Variants in MMRN2 observed in about 807,000 individuals in gnomAD.
MMRN2 encodes multimerin-2.
Under a neutral mutation model 68.8 loss-of-function variants are expected in MMRN2, and 53 were observed. The observed-to-expected ratio is 0.77, with a 90% CI of 0.62 to 0.97. MMRN2 has a LOEUF of 0.97. Among genes scored for constraint, MMRN2 ranks in the 50% least tolerant of loss-of-function variants. MMRN2 has a pLI of 0.00. For synonymous variants in MMRN2, 564 were observed against 551.6 expected, an observed-to-expected ratio of 1.02 and a Z score of -0.32; for missense variants, 1,266 against 1,259.5, an observed-to-expected ratio of 1.01 and a Z score of -0.08.
chr10:86,944,006 T>C lies in MMRN2; in HGVS notation c.778A>G (p.Arg260Gly). Residue 260 changes from arginine (R) to glycine (G), a missense_variant, in exon 6 of 7, where the codon AGA (arginine) becomes GGA (glycine). Arg to Gly is a moderately radical substitution (Grantham distance 125). Coordinates refer to ENST00000372027, the MANE Select transcript of MMRN2 (RefSeq NM_024756.3). ...GCCTCCACGTCAAGAGACAGGTTTC[T>C]TATGGCCTGGGTAAGGCTGTGCAGG... The part of the protein sequence containing the change: ...QSLHSLTQAI[R>G]NLSLDVEANR... 1 of 1,614,134 alleles carries C rather than the reference T, an allele frequency of 6.2e-7. No homozygotes were observed. The highest frequency in any genetic ancestry group is 8.5e-7 in the Non-Finnish European group (1 of 1,180,034).
In MMRN2 at chr10:86,937,139, G is replaced by C. The variant is rs1843892554; in HGVS notation, c.2468-14C>G. The C allele has an allele frequency of 1.2e-6, 2 of 1,612,154 alleles. No individual in the cohort carries two copies. Among genetic ancestry groups the C allele is most frequent in the Non-Finnish European group, 1.7e-6 (2 of 1,178,718 alleles). ...CCACAGGGGATCCTGAAACATAACA[G>C]GACAGTGCTTAGTGATTCATCCCTT... On this transcript the variant is annotated splice_polypyrimidine_tract_variant and intron_variant, in intron 6 of 6. Transcript: ENST00000372027.
rs772279359 is a variant in MMRN2, at chr10:86,944,075, G to C, written c.709C>G (p.Leu237Val). The C allele has an allele frequency of 6.2e-7, 1 of 1,614,108 alleles. No individual in the cohort carries two copies. Among genetic ancestry groups the C allele is most frequent in the Non-Finnish European group, 8.5e-7 (1 of 1,180,038 alleles). ...QVLLPHVDTFLQVHFSPIWRS... is the reference protein window; with the variant it reads ...QVLLPHVDTFVQVHFSPIWRS... ...CAGATGGGGCTGAAATGCACTTGTAGGAAGGTGTCCACGTGGGGTAGCAGC... is the reference window on the plus strand; with the variant it reads ...CAGATGGGGCTGAAATGCACTTGTACGAAGGTGTCCACGTGGGGTAGCAGC... The change falls in exon 6 of 7, where the codon CTA (leucine) becomes GTA (valine). Residue 237 changes from leucine (L) to valine (V), a missense_variant. Leu to Val is a conservative substitution (Grantham distance 32, BLOSUM62 1). Coordinates refer to ENST00000372027, the MANE Select transcript of MMRN2 (RefSeq NM_024756.3).
At position 86,943,219 on chromosome 10, in the gene MMRN2, A is replaced by G. The variant is rs1248199254; in HGVS notation, c.1565T>C (p.Leu522Pro). ...GCCGTCCAGCTGCCGCCGCTCGTCC[A>G]GGCTCACCTGGGTCTCCTCCAGGGC... ...TRALEETQVSLDERRQLDGSS... is the reference protein window; with the variant it reads ...TRALEETQVSPDERRQLDGSS... The change falls in exon 6 of 7, where the codon CTG becomes CCG. Residue 522 changes from leucine to proline, a missense_variant. Physicochemically the swap from Leu to Pro is moderately conservative, Grantham distance 98. Transcript: ENST00000372027. The surrounding 1 kb of genome is among the most constrained non-coding windows in gnomAD (Gnocchi z 4.2). 2 of 1,610,210 alleles carry G rather than the reference A, an allele frequency of 1.2e-6. No individual in the cohort carries two copies. Among genetic ancestry groups the G allele is most frequent in the African/African-American group, 2.7e-5 (2 of 74,880 alleles).
chr10:86,939,832 TG>T (rs1293342283), intron 6 of MMRN2, among the ~76,000 whole-genome samples: 79 of 135,280 alleles, frequency 5.8e-4, no homozygotes, highest in Non-Finnish European at 9.4e-4. Context: ...TGTGTGTGTG[TG>T]TGTGTTTGTG....
intron 3 of MMRN2, 24 bp downstream of exon 3, chr10:86,945,346 G>C (rs371378574): frequency 4.7e-5 from 75 of 1,604,022 alleles, no homozygotes; most frequent in Middle Eastern, 1.7e-4. Context: ...GTCAAGGGGG[G>C]AAGGGGGCCG....
At position 86,951,826 on chromosome 10, in the gene MMRN2, T is replaced by C. The variant is rs151193515; in HGVS notation, c.164+5552A>G. On this transcript the variant is annotated intron_variant, in intron 1 of 6. Coordinates refer to ENST00000372027, the MANE Select transcript of MMRN2 (RefSeq NM_024756.3). ...ACTTTGGGAGGCCCAGGCAGGAGGA[T>C]CACTTGAATGCAGGAGTTTCAGACA... Among the ~76,000 whole-genome samples the C allele has an allele frequency of 3.9e-5, 6 of 152,272 alleles. No homozygotes were observed. The East Asian group carries it at 1.2e-3, about 29-fold the overall frequency.
At chr10:86,954,100 G>A (rs1242560005) in intron 1 of MMRN2, 3 of 152,684 alleles carry the variant, frequency 2.0e-5, no homozygotes, top group Non-Finnish European at 4.4e-5. Flanking sequence ...CCATGCCCCC[G>A]GCCCAACTTG....
chr10:86,946,290 T>C (rs1456912020), intron 1 of MMRN2, among the ~76,000 whole-genome samples: 1 of 152,210 alleles, frequency 6.6e-6, no homozygotes, highest in Non-Finnish European at 1.5e-5. Flanking sequence ...CTGACAAGCG[T>C]TCTGTGAACA....
At position 86,945,434 on chromosome 10, in the gene MMRN2, C is replaced by G. The variant is rs1351728448; in HGVS notation, c.336G>C (p.Lys112Asn). ...AHKPVYQVKQ[K>N]VLTSLAWRCC... ...ACCTCCAGGCCAAAGAGGTCAGCAC[C>G]TTCTGCTTGACCTGGTACACTGGCT... is the stretch of plus-strand genomic sequence containing the variant. The change falls in exon 3 of 7, where the codon AAG becomes AAC. Residue 112 changes from lysine to asparagine, a missense_variant. Transcript: ENST00000372027. 1.9e-6 allele frequency: 3 copies of G among 1,569,486 alleles called. No homozygotes were observed. In the East Asian group the frequency reaches 7.0e-5, roughly 37 times the overall value.
At position 86,936,684 on chromosome 10, in the gene MMRN2, G is replaced by A; in HGVS notation, c.*59C>T. 6.3e-7 allele frequency: 1 copy of A among 1,581,004 alleles called. No homozygotes were observed. On this transcript the variant is annotated 3_prime_UTR_variant, in exon 7 of 7. Transcript: ENST00000372027. ...GACCTCCAGCCCATCCTTGGCCAGA[G>A]CCCCAGGCCGAGGAGAGCTGGGCGA...
chr10:86,951,922 C>T (rs1345255221), intron 1 of MMRN2, among the ~76,000 whole-genome samples: 2 of 152,094 alleles, frequency 1.3e-5, no homozygotes, highest in Admixed American at 6.5e-5. Context: ...GTGGTGCACA[C>T]CTCTAGTCCC....
At chr10:86,947,606 C>T (rs1242454357) in intron 1 of MMRN2, among the ~76,000 whole-genome samples, 6 of 151,904 alleles carry the variant, frequency 3.9e-5, no homozygotes, top group African/African-American at 7.3e-5. Context: ...CTCCTGACCT[C>T]GTGATCCACC....
Position 86,943,581 on chromosome 10 carries a change from C to G in MMRN2, c.1203G>C (p.Met401Ile). 1 of 1,614,160 alleles carries G rather than the reference C, an allele frequency of 6.2e-7. No individual in the cohort carries two copies. Among genetic ancestry groups the G allele is most frequent in the Non-Finnish European group, 8.5e-7 (1 of 1,180,040 alleles). ...CCACGTGCCGGGTCAGGGTGGCCCT[C>G]ATGTCCTCCAGGGTGTACTGCAACT... Reference protein sequence around the residue: ...EEELQYTLEDMRATLTRHVDE... With the variant: ...EEELQYTLEDIRATLTRHVDE... The change falls in exon 6 of 7, where the codon ATG becomes ATC. Residue 401 changes from methionine to isoleucine, a missense_variant. Transcript: ENST00000372027. This position sits in a 1 kb window ranked among gnomAD's most constrained non-coding sequence, Gnocchi z 4.2.
chr10:86,942,803 G>A lies in MMRN2; in HGVS notation c.1981C>T (p.Arg661Ter). Residue 661 changes from arginine to a stop codon, truncating the protein, a stop_gained, in exon 6 of 7, where the codon CGA becomes TGA. Transcript: ENST00000372027. LOFTEE classifies it high-confidence loss of function. Reference protein sequence around the residue: ...QALGWDELAARVTALEQASEP... With the variant: ...QALGWDELAA ...GAGGCCTGCTCCAGGGCCGTCACTC[G>A]GGCGGCCAGCTCGTCCCAGCCGAGC... 7.4e-7 allele frequency: 1 copy of A among 1,358,720 alleles called. No homozygotes were observed. Among genetic ancestry groups the A allele is most frequent in the South Asian group, 1.7e-5 (1 of 57,648 alleles). 84.2% of individuals were successfully genotyped at this position (1,358,720 alleles called of 1,614,324 possible).
At position 86,957,507 on chromosome 10, in the gene MMRN2, G is replaced by A. The variant is rs1292902679; in HGVS notation, c.35C>T (p.Pro12Leu). ...ILSLLFSLGGPLGWGLLGAWA... is the reference protein window; with the variant it reads ...ILSLLFSLGGLLGWGLLGAWA... ...TGCCCCCAGCAGCCCCCAGCCCAGG[G>A]GGCCCCCAAGGCTGAACAGCAAGCT... The change falls in exon 1 of 7, where the codon CCC becomes CTC. Residue 12 changes from proline (P) to leucine (L), a missense_variant. By Grantham distance (98) the Pro-to-Leu change is moderately conservative. Coordinates refer to ENST00000372027, the MANE Select transcript of MMRN2 (RefSeq NM_024756.3). 1.9e-6 allele frequency: 3 copies of A among 1,612,692 alleles called. No homozygotes were observed. The African/African-American group carries it at 4.0e-5, about 22-fold the overall frequency.
At position 86,942,606 on chromosome 10, in the gene MMRN2, G is replaced by T. The variant is rs1240290459; in HGVS notation, c.2178C>A (p.Leu726=). ...TGTGGAGGCCGTGAAGGGAGGCGTT[G>T]AGGGAGGCGGCCCCGGCCCCGGCCT... ...EAEAGAGAAS[L]NASLHGLHNA... Residue 726 remains leucine (L), a synonymous_variant, in exon 6 of 7, where the codon CTC becomes CTA. Transcript: ENST00000372027. The T allele has an allele frequency of 1.9e-6, 3 of 1,607,068 alleles. No individual in the cohort carries two copies. The highest frequency in any genetic ancestry group is 2.7e-5 in the African/African-American group (2 of 74,936).
At chr10:86,953,452 T>C (rs1844170527) in intron 1 of MMRN2, among the ~76,000 whole-genome samples, 1 of 152,216 alleles carries the variant, frequency 6.6e-6, no homozygotes, top group Non-Finnish European at 1.5e-5. Flanking sequence ...TATGTTCCTC[T>C]GCCGCGGCTC....
At position 86,942,651 on chromosome 10, in the gene MMRN2, G is replaced by A. The variant is rs779683457; in HGVS notation, c.2133C>T (p.Val711=). 1.9e-6 allele frequency: 3 copies of A among 1,597,272 alleles called. No individual in the cohort carries two copies. Among genetic ancestry groups the A allele is most frequent in the South Asian group, 2.2e-5 (2 of 90,740 alleles). Residue 711 remains valine (V), a synonymous_variant, in exon 6 of 7, where the codon GTC becomes GTT. Coordinates refer to ENST00000372027, the MANE Select transcript of MMRN2 (RefSeq NM_024756.3). ...LQSLSNDVKN[V]GRCCEAEAGA... ...CGGCCTCGGCCTCGCAGCACCGCCC[G>A]ACATTCTTGACGTCGTTGCTCAGGC...
rs754581434 is a variant in MMRN2 at position 86,957,437 on chromosome 10, G to A, written c.105C>T (p.Ser35=). The A allele has an allele frequency of 1.2e-6, 2 of 1,613,826 alleles. No individual in the cohort carries two copies. The highest frequency in any genetic ancestry group is 8.5e-7 in the Non-Finnish European group (1 of 1,180,022). Residue 35 remains serine (S), a synonymous_variant, in exon 1 of 7, where the codon TCC becomes TCT. Coordinates refer to ENST00000372027, the MANE Select transcript of MMRN2 (RefSeq NM_024756.3). ...SSTSLSDLQS[S]RTPGVWKAEA... ...CTGCCTTCCAGACCCCAGGTGTCCT[G>A]GAGCTCTGCAGATCAGAGAGGCTAG...
Sources: allele counts gnomAD v4.1 joint callset (sites outside exome capture counted in the v4.1 genomes callset), GRCh38; gene constraint gnomAD v4.1.1; non-coding constraint Gnocchi (gnomAD v3.1); transcripts MANE v1.5; gene names NCBI Gene and HGNC (gene_info 2026-07-23, HGNC 2026-07-21).